Variants in TTC34 observed in about 807,000 individuals in gnomAD.
TTC34 encodes tetratricopeptide repeat protein 34.
TTC34 carries 44 observed loss-of-function variants against 40.7 expected under a neutral mutation model. That is an observed-to-expected ratio of 1.08 (90% CI 0.85 to 1.39). The LOEUF (loss-of-function observed/expected upper bound fraction) is 1.39, where lower values mean the gene tolerates loss of function less well. Ranked by LOEUF, TTC34 falls within the 40% of genes most tolerant of loss-of-function variation. The pLI is 0.00. For synonymous variants in TTC34, 422 were observed against 398.6 expected, an observed-to-expected ratio of 1.06 and a Z score of -0.70; for missense variants, 884 against 838.0, an observed-to-expected ratio of 1.05 and a Z score of -0.68.
At chr1:2,658,621 A>C (rs1639437990) in intron 6 of TTC34, among the ~76,000 whole-genome samples, 5 of 71,362 alleles carry the variant, frequency 7.0e-5, no homozygotes, top group African/African-American at 2.1e-4. Flanking sequence ...AACAGCACCC[A>C]TACGCCCAGA....
chr1:2,671,922 C>G (rs1430569950), intron 6 of TTC34, among the ~76,000 whole-genome samples: 7 of 152,142 alleles, frequency 4.6e-5, no homozygotes, highest in Non-Finnish European at 2.9e-5. Flanking sequence ...CCCAGGCGAG[C>G]ATCTGACAGC....
chr1:2,781,881 T>C (rs1643489600), intron 6 of TTC34, among the ~76,000 whole-genome samples: 1 of 152,216 alleles, frequency 6.6e-6, no homozygotes, highest in African/African-American at 2.4e-5. Context: ...GTCACGTGTG[T>C]CATCATTTTA....
At chr1:2,773,065 T>C (rs1183815435) in intron 6 of TTC34, among the ~76,000 whole-genome samples, 117 of 140,096 alleles carry the variant, frequency 8.4e-4, no homozygotes, top group African/African-American at 1.9e-3. Context: ...CACCCCCAGG[T>C]GAGCCTCTGA....
chr1:2,696,371 T>A (rs1191414223), intron 6 of TTC34, among the ~76,000 whole-genome samples: 1 of 120,414 alleles, frequency 8.3e-6, no homozygotes, highest in African/African-American at 3.1e-5. Flanking sequence ...CAGGCGAGGA[T>A]CGGACAGCCT....
At chr1:2,786,418 C>T (rs1054993614) in intron 4 of TTC34, among the ~76,000 whole-genome samples, 31 of 152,334 alleles carry the variant, frequency 2.0e-4, no homozygotes, top group Admixed American at 1.4e-3. Context: ...GGTCCCACAG[C>T]GGCCAGGGAC....
chr1:2,767,459 A>C (rs1641803130), intron 6 of TTC34, among the ~76,000 whole-genome samples: 1 of 148,552 alleles, frequency 6.7e-6, no homozygotes, highest in African/African-American at 2.5e-5. Flanking sequence ...TGAGCATCCG[A>C]CAGCCTGGAA....
At chr1:2,767,825 C>T (rs1315752126) in intron 6 of TTC34, among the ~76,000 whole-genome samples, 15 of 147,166 alleles carry the variant, frequency 1.0e-4, no homozygotes, top group South Asian at 4.5e-4. Flanking sequence ...GAGCATCTGA[C>T]AGCCTGGAGC....
At chr1:2,683,293 C>G (rs1230080515) in intron 6 of TTC34, among the ~76,000 whole-genome samples, 2 of 151,834 alleles carry the variant, frequency 1.3e-5, no homozygotes, top group South Asian at 2.1e-4. Context: ...ATCTGACAGC[C>G]TGGAACAGAA....
intron 6 of TTC34, among the ~76,000 whole-genome samples, chr1:2,748,472 AC>A (rs1251798141): frequency 0.074 from 141 of 1,898 alleles, 8 homozygotes; most frequent in African/African-American, 0.21. Flanking sequence ...CTGGAAGAGC[AC>A]CCCACATCCC....
At chr1:2,777,430 T>G (rs929672028) in intron 6 of TTC34, among the ~76,000 whole-genome samples, 1 of 150,212 alleles carries the variant, frequency 6.7e-6, no homozygotes, top group Non-Finnish European at 1.5e-5. Flanking sequence ...CAGGGGAGCA[T>G]CTGACAGCAT....
rs1222313373 is a variant in TTC34 at position 2,787,560 on chromosome 1, CG to C, written c.1774del (p.Arg592GlyfsTer17). On this transcript the variant is annotated frameshift_variant, in exon 4 of 9. Coordinates refer to ENST00000401095, the Ensembl canonical transcript of TTC34. LOFTEE classifies it high-confidence loss of function. ...CAGCACAGGGGCTGCCTGGGGCCTC[CG>C]GGATAGGGCCACCAGCAGGGCCTTG... 4 of 1,543,808 alleles carry C rather than the reference CG, an allele frequency of 2.6e-6. No homozygotes were observed. In the African/African-American group the frequency reaches 5.5e-5, roughly 21 times the overall value.
intron 6 of TTC34, among the ~76,000 whole-genome samples, chr1:2,683,149 A>T (rs1237420153): frequency 8.2e-6 from 1 of 121,422 alleles, no homozygotes; most frequent in African/African-American, 3.2e-5. Flanking sequence ...CAGCACGCAC[A>T]GCCCCAGGAG....
chr1:2,677,503 TCCGACAGCCTG>T (rs1557601637), intron 6 of TTC34, among the ~76,000 whole-genome samples: 1 of 89,934 alleles, frequency 1.1e-5, no homozygotes, highest in African/African-American at 4.1e-5. Context: ...CAGGCGAGCA[TCCGACAGCCTG>T]GAGCAGCACC....
Position 2,644,869 on chromosome 1 carries a change from C to T in TTC34, c.2498-391G>A, listed in dbSNP as rs147787515. Among the ~76,000 whole-genome samples the T allele has an allele frequency of 3.6e-3, 541 of 152,250 alleles. 6 individuals are homozygous for T. Among genetic ancestry groups the T allele is most frequent in the African/African-American group, 0.013 (522 of 41,534 alleles). ...TTTGGAATTAGTGGTGAAGTGGTTT[C>T]CACATCACCAGGGGGATGTGGAAAT... On this transcript the variant is annotated intron_variant, in intron 7 of 8. Transcript: ENST00000401095.
At chr1:2,793,894 C>T (rs1276472373) in intron 2 of TTC34, among the ~76,000 whole-genome samples, 1 of 152,076 alleles carries the variant, frequency 6.6e-6, no homozygotes, top group Non-Finnish European at 1.5e-5. Context: ...TCTGCTTCTC[C>T]TTCTCCTCTT....
intron 6 of TTC34, among the ~76,000 whole-genome samples, chr1:2,756,245 T>A (rs1187225708): frequency 2.5e-5 from 1 of 39,536 alleles, no homozygotes; most frequent in East Asian, 9.5e-4. Context: ...GAGCATCTGA[T>A]GGCCTGGAAC....
chr1:2,655,344 G>C (rs1639306635), intron 6 of TTC34, among the ~76,000 whole-genome samples: 1 of 112,024 alleles, frequency 8.9e-6, no homozygotes, highest in Admixed American at 1.2e-4. Context: ...CCCCAAGTGA[G>C]CACCTGACAG....
intron 6 of TTC34, among the ~76,000 whole-genome samples, chr1:2,777,376 C>A (rs978192492): frequency 6.6e-6 from 1 of 151,608 alleles, no homozygotes; most frequent in Non-Finnish European, 1.5e-5. Flanking sequence ...CACCCCACAC[C>A]TCCAGGGGAG....
intron 6 of TTC34, among the ~76,000 whole-genome samples, chr1:2,768,306 G>A (rs539998394): frequency 0.01 from 1,575 of 151,638 alleles, 27 homozygotes; most frequent in Admixed American, 0.019. Flanking sequence ...TTGGATGTTC[G>A]CATGGGGGTG....
Sources: allele counts gnomAD v4.1 joint callset (sites outside exome capture counted in the v4.1 genomes callset), GRCh38; gene constraint gnomAD v4.1.1; transcripts MANE v1.5; gene names NCBI Gene and HGNC (gene_info 2026-07-23, HGNC 2026-07-21).